Variants in SAMSN1 observed in about 807,000 individuals in gnomAD.
SAMSN1 encodes the protein SAM domain, SH3 domain and nuclear localization signals 1, also known as SAM domain-containing protein SAMSN-1.
A neutral mutation model predicts 42.0 loss-of-function variants in SAMSN1; 31 were observed. That is an observed-to-expected ratio of 0.74 (90% confidence interval 0.55 to 1.00). The LOEUF is 1.00. Among genes scored for constraint, SAMSN1 ranks in the 50% least tolerant of loss-of-function variants. The pLI, the probability that SAMSN1 is intolerant of heterozygous loss-of-function variation, is 0.00. For synonymous variants in SAMSN1, 178 were observed against 151.9 expected, an observed-to-expected ratio of 1.17 and a Z score of -1.26; for missense variants, 464 against 439.4, an observed-to-expected ratio of 1.06 and a Z score of -0.50.
At position 14,500,551 on chromosome 21, in the gene SAMSN1, A is replaced by G. The variant is rs1472699212; in HGVS notation, c.746T>C (p.Phe249Ser). The change falls in exon 6 of 8, where the codon TTC (phenylalanine) becomes TCC (serine). Residue 249 changes from phenylalanine (F) to serine (S), a missense_variant. Coordinates refer to ENST00000400566, the MANE Select transcript of SAMSN1 (RefSeq NM_022136.5). Reference protein sequence around the residue: ...NSKKSKTLQEFLERIHLQEYT... With the variant: ...NSKKSKTLQESLERIHLQEYT... ...CACCTGCAGATGAATCCTCTCTAGG[A>G]ACTCCTGCAGAGTCTTGGATTTTTT... is the stretch of plus-strand genomic sequence containing the variant. 2 of 1,613,970 alleles carry G rather than the reference A, an allele frequency of 1.2e-6. No homozygotes were observed. The highest frequency in any genetic ancestry group is 1.7e-6 in the Non-Finnish European group (2 of 1,179,968).
chr21:14,573,037 A>G (rs1336746299), intron 2 of SAMSN1, among the ~76,000 whole-genome samples: 1 of 152,192 alleles, frequency 6.6e-6, no homozygotes, highest in Non-Finnish European at 1.5e-5. Flanking sequence ...TACCTGAAAT[A>G]AAGTCAAGTG....
intron 7 of SAMSN1, among the ~76,000 whole-genome samples, chr21:14,494,013 C>A (rs903593407): frequency 1.3e-5 from 2 of 152,182 alleles, no homozygotes; most frequent in African/African-American, 4.8e-5. Context: ...GACCTAGATA[C>A]CATCTCACAC....
At chr21:14,654,050 C>A (rs1356885574) in intron 1 of SAMSN1, among the ~76,000 whole-genome samples, 2 of 151,782 alleles carry the variant, frequency 1.3e-5, no homozygotes, top group South Asian at 2.1e-4. Context: ...GATTTAAAAT[C>A]ATTGTGTAAT....
chr21:14,620,626 T>G (rs1982978184), intron 2 of SAMSN1, among the ~76,000 whole-genome samples: 1 of 152,218 alleles, frequency 6.6e-6, no homozygotes, highest in Non-Finnish European at 1.5e-5. Context: ...AAAAAAGAAT[T>G]GCAAGTAGTC....
intron 2 of SAMSN1, among the ~76,000 whole-genome samples, chr21:14,552,730 C>A (rs1294082072): frequency 3.9e-5 from 6 of 152,112 alleles, no homozygotes; most frequent in Admixed American, 6.6e-5. Flanking sequence ...CGTAAAGTTA[C>A]TACCATAAGC....
chr21:14,643,110 A>G, exon 2 of SAMSN1: 1 of 717,376 alleles, frequency 1.4e-6, no homozygotes, highest in Non-Finnish European at 2.6e-6. Flanking sequence ...GGATTGGCTC[A>G]TATAAGCTAT....
intron 1 of SAMSN1, among the ~76,000 whole-genome samples, chr21:14,533,757 T>C (rs947473104): frequency 6.6e-6 from 1 of 152,212 alleles, no homozygotes; most frequent in Admixed American, 6.5e-5. Flanking sequence ...CAAAAAATTG[T>C]TTCCCCTGAA....
At chr21:14,546,943 T>C (rs1980425716), upstream of SAMSN1, among the ~76,000 whole-genome samples, 2 of 152,204 alleles carry the variant, frequency 1.3e-5, no homozygotes, top group South Asian at 4.1e-4. Flanking sequence ...TCTCCTGATC[T>C]CGTGATCCGC....
intron 2 of SAMSN1, among the ~76,000 whole-genome samples, chr21:14,581,428 G>A (rs1392009148): frequency 7.5e-6 from 1 of 133,870 alleles, no homozygotes; most frequent in East Asian, 2.2e-4. Flanking sequence ...GCGCGATCTC[G>A]GCTCACTGCA....
rs759855958 is a variant in SAMSN1 at position 14,498,536 on chromosome 21, A to G, written c.825T>C (p.Asp275=). ...NGYETLEDLK[D]IKESHLIELN... ...ATTCAATGAGGTGACTCTCTTTTAT[A>G]TCTTTTAAATCTTCTAGAGTCTCAT... is the stretch of plus-strand genomic sequence containing the variant. Residue 275 remains aspartate, a synonymous_variant, in exon 7 of 8, where the codon GAT becomes GAC. Coordinates refer to ENST00000400566, the MANE Select transcript of SAMSN1 (RefSeq NM_022136.5). The G allele has an allele frequency of 1.6e-5, 26 of 1,610,424 alleles. No homozygotes were observed. The highest frequency in any genetic ancestry group is 2.7e-5 in the African/African-American group (2 of 74,718).
intron 2 of SAMSN1, among the ~76,000 whole-genome samples, chr21:14,631,449 C>T (rs1417684423): frequency 6.6e-6 from 1 of 152,162 alleles, no homozygotes; most frequent in Non-Finnish European, 1.5e-5. Context: ...TGCTCCATCA[C>T]CCAGGCTTTC....
chr21:14,543,654 T>C (rs1377658492), intron 1 of SAMSN1, among the ~76,000 whole-genome samples: 1 of 152,184 alleles, frequency 6.6e-6, no homozygotes, highest in Non-Finnish European at 1.5e-5. Flanking sequence ...TGCATTTGAA[T>C]TGTCCAATAG....
At chr21:14,585,586 C>T (rs1159607179), upstream of SAMSN1, 1 of 152,142 alleles carries the variant, frequency 6.6e-6, no homozygotes, top group African/African-American at 2.4e-5. Flanking sequence ...ACTGACCTTT[C>T]ATTATTTTGT....
rs1347825877 is a variant in SAMSN1 at position 14,485,526 on chromosome 21, T to A, written c.*386A>T. The A allele has an allele frequency of 1.2e-5, 2 of 163,314 alleles. No individual in the cohort carries two copies. The highest frequency in any genetic ancestry group is 2.7e-5 in the Non-Finnish European group (2 of 74,490). 10.1% of individuals were successfully genotyped at this position (163,314 alleles called of 1,614,324 possible). ...GACAACTTGTTTCAACAGCGAATCC[T>A]CTATTACTATTTGTTCAATAACATA... On this transcript the variant is annotated 3_prime_UTR_variant, in exon 8 of 8. Coordinates refer to ENST00000400566, the MANE Select transcript of SAMSN1 (RefSeq NM_022136.5).
rs576422046 is a variant in SAMSN1 at position 14,552,396 on chromosome 21, T to C, written c.261+29740A>G. Among the ~76,000 whole-genome samples the C allele has an allele frequency of 8.2e-4, 125 of 152,166 alleles. 1 individual carries two copies. Among genetic ancestry groups the C allele is most frequent in the African/African-American group, 2.8e-3 (115 of 41,508 alleles). On this transcript the variant is annotated intron_variant, in intron 2 of 8. Coordinates refer to the SAMSN1 transcript ENST00000285670. ...TTCTCACCCGCAAGGTGGAAGGTAATAGTAGGTAGGGCTTTTGGGAGAATT... is the reference window on the plus strand; with the variant it reads ...TTCTCACCCGCAAGGTGGAAGGTAACAGTAGGTAGGGCTTTTGGGAGAATT...
At chr21:14,570,084 A>G (rs1385149858) in intron 2 of SAMSN1, among the ~76,000 whole-genome samples, 2 of 151,876 alleles carry the variant, frequency 1.3e-5, no homozygotes, top group African/African-American at 4.8e-5. Context: ...GTGGTTGACT[A>G]TCACATGCGA....
chr21:14,513,365 T>C (rs558565113), intron 3 of SAMSN1, among the ~76,000 whole-genome samples: 6 of 152,342 alleles, frequency 3.9e-5, no homozygotes, highest in Admixed American at 2.6e-4. Flanking sequence ...TATCCATTTC[T>C]TTTTTGATTC....
chr21:14,587,463 C>T (rs758171577), upstream of SAMSN1, among the ~76,000 whole-genome samples: 1 of 152,044 alleles, frequency 6.6e-6, no homozygotes, highest in Non-Finnish European at 1.5e-5. Context: ...TCTGATTTTC[C>T]TTTTGCCTTT....
At chr21:14,612,104 G>A (rs940279592) in intron 4 of SAMSN1, among the ~76,000 whole-genome samples, 43 of 152,256 alleles carry the variant, frequency 2.8e-4, no homozygotes, top group African/African-American at 9.1e-4. Flanking sequence ...GTGATGGCAC[G>A]CGCCTGTAGT....
Sources: allele counts gnomAD v4.1 joint callset (sites outside exome capture counted in the v4.1 genomes callset), GRCh38; gene constraint gnomAD v4.1.1; transcripts MANE v1.5; gene names NCBI Gene and HGNC (gene_info 2026-07-23, HGNC 2026-07-21).